Variants in CCDC170 observed in about 807,000 individuals in gnomAD.
CCDC170 encodes coiled-coil domain containing 170.
A neutral mutation model predicts 72.6 loss-of-function variants in CCDC170; 69 were observed. That is an observed-to-expected ratio of 0.95 (90% CI 0.78 to 1.16). The LOEUF is 1.16. Among genes scored for constraint, CCDC170 ranks in the 50% most tolerant of loss-of-function variants. The pLI, the probability that CCDC170 is intolerant of heterozygous loss-of-function variation, is 0.00. For missense variants in CCDC170, 852 were observed against 832.5 expected (o/e 1.02, Z -0.29); for synonymous variants, 300 against 303.9 (o/e 0.99, Z 0.13).
At chr6:151,559,819 T>C (rs1047567020) in intron 5 of CCDC170, among the ~76,000 whole-genome samples, 1 of 152,222 alleles carries the variant, frequency 6.6e-6, no homozygotes, top group African/African-American at 2.4e-5. Context: ...TTTCTGATTG[T>C]GCTTCTTTGG....
At chr6:151,537,956 C>A (rs9479062) in intron 2 of CCDC170, 89 bp from the exon 3 acceptor site, 2 of 1,272,470 alleles carry the variant, frequency 1.6e-6, no homozygotes, top group South Asian at 1.5e-5. Flanking sequence ...AAAGAGTGAA[C>A]ATTTAAATGA....
At chr6:151,589,874 C>A (rs1303567121) in intron 7 of CCDC170, among the ~76,000 whole-genome samples, 1 of 152,164 alleles carries the variant, frequency 6.6e-6, no homozygotes, top group Non-Finnish European at 1.5e-5. Context: ...TTTCTCCTGC[C>A]AGCAGGGGCA....
chr6:151,597,397 G>A (rs985959093), intron 9 of CCDC170, among the ~76,000 whole-genome samples: 7 of 152,118 alleles, frequency 4.6e-5, no homozygotes, highest in Non-Finnish European at 5.9e-5. Context: ...TGAAGTGCTG[G>A]GATTACAAGT....
At position 151,586,036 on chromosome 6, in the gene CCDC170, G is replaced by A. The variant is rs867642378; in HGVS notation, c.1240G>A (p.Glu414Lys). ...LQGQLTHLEA[E>K]LVSGGVLRDN... Reference sequence around the variant, plus strand: ...GGGTCAGCTGACACACCTGGAGGCAGAGCTGGTTTCTGGAGGTGTTTTGCG... The same window carrying A: ...GGGTCAGCTGACACACCTGGAGGCAAAGCTGGTTTCTGGAGGTGTTTTGCG... The change falls in exon 7 of 11, where the codon GAG becomes AAG. Residue 414 changes from glutamate (E) to lysine (K), a missense_variant. By Grantham distance (56) the Glu-to-Lys change is moderately conservative. Transcript: ENST00000239374. The A allele has an allele frequency of 6.2e-7, 1 of 1,614,236 alleles. No homozygotes were observed. The highest frequency in any genetic ancestry group is 8.5e-7 in the Non-Finnish European group (1 of 1,180,028).
chr6:151,585,102 T>C (rs531365667), intron 6 of CCDC170, among the ~76,000 whole-genome samples: 67 of 152,288 alleles, frequency 4.4e-4, no homozygotes, highest in African/African-American at 1.4e-3. Flanking sequence ...CCTGAGGTCC[T>C]TGGTAAACTT....
intron 7 of CCDC170, among the ~76,000 whole-genome samples, chr6:151,590,882 C>A (rs76736819): frequency 0.012 from 1,890 of 152,198 alleles, 50 homozygotes; most frequent in African/African-American, 0.044. Flanking sequence ...ATGTAAAATA[C>A]AAGCAATAGC....
At chr6:151,505,128 C>G (rs749920983) in intron 1 of CCDC170, among the ~76,000 whole-genome samples, 2 of 152,080 alleles carry the variant, frequency 1.3e-5, no homozygotes, top group Non-Finnish European at 2.9e-5. Context: ...GGGCACTTCT[C>G]TTAGTCTTTG....
At chr6:151,536,119 C>T (rs1442834791) in intron 1 of CCDC170, among the ~76,000 whole-genome samples, 199 bp from the exon 2 acceptor site, 2 of 152,150 alleles carry the variant, frequency 1.3e-5, no homozygotes, top group Non-Finnish European at 1.5e-5. Flanking sequence ...ATCATTTGTT[C>T]CCGAACTTTC....
chr6:151,592,414 A>G (rs1562293358), intron 7 of CCDC170, among the ~76,000 whole-genome samples: 1 of 152,138 alleles, frequency 6.6e-6, no homozygotes, highest in East Asian at 1.9e-4. Context: ...GAGGCTGGGT[A>G]ATTTATAAAG....
chr6:151,572,839 A>G (rs867168860), intron 5 of CCDC170, among the ~76,000 whole-genome samples: 1 of 151,318 alleles, frequency 6.6e-6, no homozygotes, highest in Non-Finnish European at 1.5e-5. Context: ...TGTTTAGTAG[A>G]GGTGGGGTTT....
Position 151,513,747 on chromosome 6 carries a change from C to T in CCDC170, c.57+19562C>T, listed in dbSNP as rs903116297. 1.2e-4 allele frequency among the ~76,000 whole-genome samples: 18 copies of T among 151,120 alleles called. 1 individual carries two copies. Among genetic ancestry groups the T allele is most frequent in the East Asian group, 5.8e-4 (3 of 5,130 alleles). On this transcript the variant is annotated intron_variant, in intron 1 of 10. Transcript: ENST00000239374. ...AGCCTGGCCAAGATGATGAAAACCCCGTCTCTACTAAAAATACAAAAATTA... is the reference window on the plus strand; with the variant it reads ...AGCCTGGCCAAGATGATGAAAACCCTGTCTCTACTAAAAATACAAAAATTA...
intron 8 of CCDC170, among the ~76,000 whole-genome samples, chr6:151,594,616 C>T (rs1776592966): frequency 6.6e-6 from 1 of 151,410 alleles, no homozygotes; most frequent in Admixed American, 6.6e-5. Context: ...TAGAATTTAC[C>T]AGTGTAAAAT....
rs12662670 is a variant in CCDC170 at position 151,597,721 on chromosome 6, T to G, written c.1710+1144T>G. 0.072 allele frequency among the ~76,000 whole-genome samples: 11,008 copies of G among 152,230 alleles called. 563 individuals carry two copies. The highest frequency in any genetic ancestry group is 0.3 in the East Asian group (1,539 of 5,164). ...GGCAGAGCAAAAAGAAATGGAAACT[T>G]ACAAGAATTTAATCAAAAGATTTAC... On this transcript the variant is annotated intron_variant, in intron 9 of 10. Coordinates refer to ENST00000239374, the MANE Select transcript of CCDC170 (RefSeq NM_025059.4).
At chr6:151,522,452 G>A (rs920114446) in intron 1 of CCDC170, among the ~76,000 whole-genome samples, 1 of 151,970 alleles carries the variant, frequency 6.6e-6, no homozygotes, top group East Asian at 1.9e-4. Flanking sequence ...GACTCATTCC[G>A]ATCACCTGCT....
chr6:151,494,028 C>T lies in CCDC170; in HGVS notation c.-101C>T, dbSNP rs1004882162. On this transcript the variant is annotated 5_prime_UTR_variant, in exon 1 of 11. Transcript: ENST00000239374. The stretch of plus-strand genomic sequence containing the variant: ...GCCGCCGCGTCCCCGCGGTGTTTAC[C>T]CGTTGCCCGAGGAGACACCCGCGCC... The T allele has an allele frequency of 8.6e-5, 102 of 1,183,324 alleles. No individual in the cohort carries two copies. The highest frequency in any genetic ancestry group is 1.6e-4 in the Admixed American group (4 of 25,780). 73.3% of individuals were successfully genotyped at this position (1,183,324 alleles called of 1,614,324 possible).
At chr6:151,494,393 T>G (rs1781879420) in intron 1 of CCDC170, among the ~76,000 whole-genome samples, 1 of 152,082 alleles carries the variant, frequency 6.6e-6, no homozygotes, top group Non-Finnish European at 1.5e-5. Context: ...GCGGAGCGCG[T>G]CTGAATTTTA....
chr6:151,576,440 T>C (rs1336168628), intron 6 of CCDC170, among the ~76,000 whole-genome samples: 1 of 152,168 alleles, frequency 6.6e-6, no homozygotes, highest in Non-Finnish European at 1.5e-5. Context: ...TTTATTGCTT[T>C]CCACTTCTAT....
rs11432845 is a variant in CCDC170 at position 151,507,918 on chromosome 6, C to CAA, written c.57+13744_57+13745dup. Among the ~76,000 whole-genome samples the CAA allele has an allele frequency of 5.5e-3, 670 of 122,030 alleles. 7 individuals are homozygous for CAA. Among genetic ancestry groups the CAA allele is most frequent in the African/African-American group, 0.018 (621 of 35,186 alleles). 80.1% of individuals were successfully genotyped at this position (122,030 alleles called of 152,430 possible). On this transcript the variant is annotated intron_variant, in intron 1 of 10. Coordinates refer to ENST00000239374, the MANE Select transcript of CCDC170 (RefSeq NM_025059.4). ...CCTGATAACAGAGTGAGCTCCATCTCAAAAAAAAAAAAGAAAGAAAGAAAA... is the reference window on the plus strand; with the variant it reads ...CCTGATAACAGAGTGAGCTCCATCTCAAAAAAAAAAAAAAGAAAGAAAGAAAA...
At chr6:151,530,574 T>A (rs1366300285) in intron 1 of CCDC170, among the ~76,000 whole-genome samples, 1 of 151,958 alleles carries the variant, frequency 6.6e-6, no homozygotes, top group South Asian at 2.1e-4. Context: ...CCTGAGTAGC[T>A]GGGATTACAG....
Sources: allele counts gnomAD v4.1 joint callset (sites outside exome capture counted in the v4.1 genomes callset), GRCh38; gene constraint gnomAD v4.1.1; transcripts MANE v1.5; gene names NCBI Gene and HGNC (gene_info 2026-07-23, HGNC 2026-07-21).